Variants in UACA observed in about 807,000 individuals in gnomAD.
UACA encodes the protein nuclear membrane binding protein.
A neutral mutation model predicts 160.5 loss-of-function variants in UACA; 112 were observed. The ratio of observed to expected loss-of-function variants is 0.70; its 90% CI spans 0.60 to 0.82. UACA has a LOEUF of 0.82. UACA is among the 40% of genes least tolerant of loss of function. The pLI is 0.00. For synonymous variants in UACA, 557 were observed against 568.4 expected (o/e 0.98, Z 0.29); for missense variants, 1,574 against 1,614.6 (o/e 0.97, Z 0.43).
chr15:70,753,609 C>A (rs1031581935), intron 1 of UACA, among the ~76,000 whole-genome samples: 1 of 152,152 alleles, frequency 6.6e-6, no homozygotes, highest in African/African-American at 2.4e-5. Context: ...GGCAATAGTA[C>A]CTACTTCTTA....
At chr15:70,725,567 T>C (rs1358334663) in intron 1 of UACA, among the ~76,000 whole-genome samples, 6 of 152,224 alleles carry the variant, frequency 3.9e-5, no homozygotes, top group Non-Finnish European at 8.8e-5. Context: ...AGAAAATCTT[T>C]CAACTTTCAC....
At chr15:70,719,043 A>G (rs1898910552) in intron 1 of UACA, among the ~76,000 whole-genome samples, 1 of 151,718 alleles carries the variant, frequency 6.6e-6, no homozygotes, top group African/African-American at 2.4e-5. Flanking sequence ...GGAAGGGAGG[A>G]AGGAAGGGTA....
At chr15:70,725,270 A>C (rs1361302425) in intron 1 of UACA, among the ~76,000 whole-genome samples, 5 of 152,182 alleles carry the variant, frequency 3.3e-5, no homozygotes, top group African/African-American at 4.8e-5. Flanking sequence ...AATATAGCTC[A>C]TATTTATAAT....
chr15:70,721,495 C>T (rs1595909778), intron 1 of UACA, among the ~76,000 whole-genome samples: 1 of 151,878 alleles, frequency 6.6e-6, no homozygotes, highest in African/African-American at 2.4e-5. Context: ...GGTGTGGTGG[C>T]GGGAGCCTGT....
chr15:70,715,323 T>C (rs1665203362), intron 1 of UACA, among the ~76,000 whole-genome samples: 2 of 152,158 alleles, frequency 1.3e-5, no homozygotes, highest in African/African-American at 4.8e-5. Context: ...CTATGTTTAT[T>C]CTCAACAAAG....
Position 70,667,456 on chromosome 15 carries a change from T to G in UACA, c.3228A>C (p.Ser1076=). 6.2e-7 allele frequency: 1 copy of G among 1,609,944 alleles called. No individual in the cohort carries two copies. Among genetic ancestry groups the G allele is most frequent in the Non-Finnish European group, 8.5e-7 (1 of 1,179,542 alleles). ...DELNKQLKDL[S]QKYTEVKNVK... The stretch of plus-strand genomic sequence containing the variant: ...CATTCTTTACTTCCGTGTATTTCTG[T>G]GACAAGTCTTTTAACTGTTTGTTTA... Residue 1076 remains serine (S), a synonymous_variant, in exon 16 of 19, where the codon TCA becomes TCC. Transcript: ENST00000322954.
intron 2 of UACA, 93 bp downstream of exon 2, chr15:70,699,434 A>C: frequency 7.1e-7 from 1 of 1,415,472 alleles, no homozygotes. Flanking sequence ...TTTCTTAATA[A>C]GTAAGTTGAT....
intron 1 of UACA, among the ~76,000 whole-genome samples, chr15:70,762,853 C>G (rs1338454760): frequency 1.3e-5 from 2 of 152,226 alleles, no homozygotes; most frequent in Admixed American, 6.5e-5. Flanking sequence ...GTCCGGAGTC[C>G]GGGCACGGTG....
At position 70,754,699 on chromosome 15, in the gene UACA, A is replaced by G. The variant is rs115874999; in HGVS notation, c.78+8631T>C. On this transcript the variant is annotated intron_variant, in intron 1 of 18. Coordinates refer to ENST00000322954, the MANE Select transcript of UACA (RefSeq NM_018003.4). Reference sequence around the variant, plus strand: ...GACTGTATCATTTGAAAATAAGTCAATGTCAACAATATTTAGGATTTCTGA... The same window carrying G: ...GACTGTATCATTTGAAAATAAGTCAGTGTCAACAATATTTAGGATTTCTGA... 9.8e-3 allele frequency among the ~76,000 whole-genome samples: 1,476 copies of G among 151,020 alleles called. 31 individuals carry two copies. Among genetic ancestry groups the G allele is most frequent in the African/African-American group, 0.034 (1,373 of 40,468 alleles).
chr15:70,718,324 ATGTGTGTGTG>A lies in UACA; in HGVS notation c.79-18674_79-18665del, dbSNP rs59313425. On this transcript the variant is annotated intron_variant, in intron 1 of 18. Coordinates refer to ENST00000322954, the MANE Select transcript of UACA (RefSeq NM_018003.4). ...AGAGGGAGAGGGAGAGAGAGAGAGA[ATGTGTGTGTG>A]TGTGTGTGTGTGTGTGTGTGTGTGT... Among the ~76,000 whole-genome samples, 441 of 60,222 alleles carry A rather than the reference ATGTGTGTGTG, an allele frequency of 7.3e-3. 4 individuals are homozygous for A. The highest frequency in any genetic ancestry group is 0.013 in the South Asian group (13 of 978). 39.5% of individuals were successfully genotyped at this position (60,222 alleles called of 152,430 possible).
chr15:70,666,642 C>G, intron 16 of UACA, 82 bp downstream of exon 16: 1 of 1,175,536 alleles, frequency 8.5e-7, no homozygotes, highest in Non-Finnish European at 1.2e-6. Flanking sequence ...ATACCTGTGT[C>G]TACTTTCCTG....
chr15:70,760,517 G>T (rs1595929742), intron 1 of UACA, among the ~76,000 whole-genome samples: 1 of 152,166 alleles, frequency 6.6e-6, no homozygotes, highest in South Asian at 2.1e-4. Flanking sequence ...ATAGAAAAAT[G>T]GAAAGGACAG....
chr15:70,767,295 A>C (rs962415234), upstream of UACA, among the ~76,000 whole-genome samples: 2 of 151,278 alleles, frequency 1.3e-5, no homozygotes, highest in Non-Finnish European at 1.5e-5. Flanking sequence ...TAAAAAAAAG[A>C]ATCCACACAC....
chr15:70,659,859 A>G (rs1896640003), intron 18 of UACA, among the ~76,000 whole-genome samples: 1 of 152,066 alleles, frequency 6.6e-6, no homozygotes, highest in African/African-American at 2.4e-5. Flanking sequence ...CATTATCTCC[A>G]GCTAGCAACA....
At chr15:70,766,693 G>T (rs1022812228), upstream of UACA, among the ~76,000 whole-genome samples, 4 of 152,170 alleles carry the variant, frequency 2.6e-5, no homozygotes, top group South Asian at 8.3e-4. Flanking sequence ...ACTGAATCGT[G>T]TAGTAAGATT....
At chr15:70,756,118 G>A (rs951394078) in intron 1 of UACA, among the ~76,000 whole-genome samples, 17 of 151,680 alleles carry the variant, frequency 1.1e-4, no homozygotes, top group African/African-American at 3.9e-4. Context: ...TAGGACATAC[G>A]CTAAATACAA....
intron 1 of UACA, among the ~76,000 whole-genome samples, chr15:70,762,994 G>A (rs2030866733): frequency 6.6e-6 from 1 of 152,188 alleles, no homozygotes; most frequent in Non-Finnish European, 1.5e-5. Context: ...GACGAGGGGG[G>A]GTCAACGGAA....
the UACA span, among the ~76,000 whole-genome samples, chr15:70,771,599 A>G: frequency 1.3e-5 from 2 of 152,242 alleles, no homozygotes; most frequent in South Asian, 2.1e-4. Context: ...CAAGCAAATA[A>G]GTAAGCGACC....
At chr15:70,754,216 T>C (rs1355451212) in intron 1 of UACA, 2 of 454,264 alleles carry the variant, frequency 4.4e-6, no homozygotes, top group East Asian at 7.0e-5. Context: ...CCAGGTCCCA[T>C]TCAATTACAG....
Sources: allele counts gnomAD v4.1 joint callset (sites outside exome capture counted in the v4.1 genomes callset), GRCh38; gene constraint gnomAD v4.1.1; transcripts MANE v1.5; gene names NCBI Gene and HGNC (gene_info 2026-07-23, HGNC 2026-07-21).